ADGRV1: variants seen among roughly 807,000 people sequenced by gnomAD.
The protein encoded by ADGRV1 is G-protein coupled receptor 98.
Under a neutral mutation model 596.2 loss-of-function variants are expected in ADGRV1, and 359 were observed. That is an observed-to-expected ratio of 0.60 (90% CI 0.55 to 0.66). The LOEUF (loss-of-function observed/expected upper bound fraction) is 0.66, where lower values mean the gene tolerates loss of function less well. ADGRV1 is among the 30% of genes least tolerant of loss of function. The pLI is 0.00. For synonymous variants in ADGRV1, 2,681 were observed against 2,679.2 expected (o/e 1.00, Z -0.02); for missense variants, 7,274 against 7,575.6 (o/e 0.96, Z 1.48).
chr5:91,129,649 G>A (rs1453616174), intron 87 of ADGRV1, among the ~76,000 whole-genome samples: 4 of 152,088 alleles, frequency 2.6e-5, no homozygotes, highest in Non-Finnish European at 4.4e-5. Context: ...AAATTCAAAG[G>A]TTGAAGCTTC....
chr5:90,897,262 TG>T (rs1771420627), intron 83 of ADGRV1, among the ~76,000 whole-genome samples: 1 of 152,182 alleles, frequency 6.6e-6, no homozygotes, highest in Admixed American at 6.5e-5. Flanking sequence ...AAAAATAAAC[TG>T]TTGACAGAAA....
intron 70 of ADGRV1, 48 bp downstream of exon 70, chr5:90,791,394 C>A: frequency 7.5e-7 from 1 of 1,337,208 alleles, no homozygotes; most frequent in Non-Finnish European, 1.0e-6. Flanking sequence ...AAAACCCTTT[C>A]AGGAGTGCCC....
At chr5:90,566,777 A>T (rs1039608290) in intron 1 of ADGRV1, among the ~76,000 whole-genome samples, 1 of 152,072 alleles carries the variant, frequency 6.6e-6, no homozygotes, top group East Asian at 1.9e-4. Context: ...GATATAGTTT[A>T]ATTTATCTTT....
At chr5:90,978,080 A>G (rs1779766989) in intron 84 of ADGRV1, among the ~76,000 whole-genome samples, 1 of 152,170 alleles carries the variant, frequency 6.6e-6, no homozygotes, top group South Asian at 2.1e-4. Context: ...GGGGATCATG[A>G]GGTCAGGAGA....
chr5:91,035,861 T>TATATATATAATATATATATATATATATA, intron 85 of ADGRV1, among the ~76,000 whole-genome samples: 1 of 96,400 alleles, frequency 1.0e-5, no homozygotes, highest in African/African-American at 3.8e-5. Context: ...TATATATATA[T>TATATATATAATATATATATATATATATA]TATATATATA....
intron 87 of ADGRV1, among the ~76,000 whole-genome samples, chr5:91,119,098 A>G: frequency 6.6e-6 from 1 of 152,144 alleles, no homozygotes; most frequent in East Asian, 1.9e-4. Context: ...CAAGGACTCA[A>G]CTCTGCTTTG....
At chr5:91,161,273 A>G (rs971415013) in intron 89 of ADGRV1, among the ~76,000 whole-genome samples, 1 of 152,156 alleles carries the variant, frequency 6.6e-6, no homozygotes, top group African/African-American at 2.4e-5. Context: ...TGTTCCCAGC[A>G]GAGAAGCATG....
intron 1 of ADGRV1, among the ~76,000 whole-genome samples, chr5:90,593,440 A>G (rs1038043252): frequency 7.0e-6 from 1 of 142,992 alleles, no homozygotes; most frequent in African/African-American, 2.5e-5. Flanking sequence ...ATCACACATC[A>G]GGGCCTGCCG....
At chr5:90,738,627 T>C (rs1753559386) in intron 50 of ADGRV1, among the ~76,000 whole-genome samples, 1 of 152,190 alleles carries the variant, frequency 6.6e-6, no homozygotes, top group South Asian at 2.1e-4. Context: ...TTTGAGTTTA[T>C]TATTCTACTC....
At chr5:90,660,779 A>C (rs944563106) in intron 21 of ADGRV1, among the ~76,000 whole-genome samples, 4 of 152,214 alleles carry the variant, frequency 2.6e-5, no homozygotes, top group African/African-American at 9.7e-5. Context: ...TACCTTTTTC[A>C]TAGATTAATA....
At position 90,872,423 on chromosome 5, in the gene ADGRV1, TTGTGTGTGTGTGTGTGTGTG is replaced by T. The variant is rs55743704; in HGVS notation, c.17856+8590_17856+8609del. On this transcript the variant is annotated intron_variant, in intron 83 of 89. Coordinates refer to ENST00000405460, the MANE Select transcript of ADGRV1 (RefSeq NM_032119.4). ...AGAAAATTATACATATGGTATGAGC[TTGTGTGTGTGTGTGTGTGTG>T]TGTGTGTGTGTGTGTGTGTGTGTAC... is the stretch of plus-strand genomic sequence containing the variant. Among the ~76,000 whole-genome samples, 22 of 147,440 alleles carry T rather than the reference TTGTGTGTGTGTGTGTGTGTG, an allele frequency of 1.5e-4. No homozygotes were observed. In the South Asian group the frequency reaches 1.8e-3, roughly 12 times the overall value.
At chr5:90,595,458 C>G (rs1431829881) in intron 1 of ADGRV1, among the ~76,000 whole-genome samples, 6 of 62,916 alleles carry the variant, frequency 9.5e-5, no homozygotes, top group Admixed American at 2.3e-4. Context: ...ACCTCCTTCC[C>G]GGACGGGGCG....
intron 22 of ADGRV1, 199 bp downstream of exon 22, chr5:90,672,921 T>G (rs1271554479): frequency 3.9e-6 from 2 of 508,076 alleles, no homozygotes; most frequent in East Asian, 6.1e-5. Flanking sequence ...CTTCATCACT[T>G]TATTTTGTAC....
intron 83 of ADGRV1, among the ~76,000 whole-genome samples, chr5:90,926,863 C>G (rs975522252): frequency 1.3e-5 from 2 of 151,962 alleles, no homozygotes; most frequent in Admixed American, 6.5e-5. Context: ...CAAAGAACAT[C>G]TTTATTTCTT....
At chr5:91,061,086 T>G (rs553593445) in intron 85 of ADGRV1, among the ~76,000 whole-genome samples, 7 of 152,282 alleles carry the variant, frequency 4.6e-5, no homozygotes, top group South Asian at 2.1e-4. Context: ...GTAACCAGCC[T>G]TTTCTTTCCA....
chr5:90,767,649 A>G (rs1757284203), intron 59 of ADGRV1, among the ~76,000 whole-genome samples: 1 of 151,734 alleles, frequency 6.6e-6, no homozygotes, highest in Admixed American at 6.6e-5. Flanking sequence ...ATTCCACCAA[A>G]TATGTTTACA....
At chr5:90,887,572 T>G (rs374362271) in intron 83 of ADGRV1, among the ~76,000 whole-genome samples, 19 of 152,334 alleles carry the variant, frequency 1.2e-4, no homozygotes, top group African/African-American at 4.3e-4. Context: ...AAGCACTGAA[T>G]GCATATTTGT....
intron 83 of ADGRV1, among the ~76,000 whole-genome samples, chr5:90,868,021 T>C (rs970591174): frequency 6.6e-6 from 1 of 152,148 alleles, no homozygotes; most frequent in African/African-American, 2.4e-5. Flanking sequence ...AGTGGAGATA[T>C]AAATGGATCA....
Position 90,690,573 on chromosome 5 carries a change from C to A in ADGRV1, c.6707-224C>A, listed in dbSNP as rs7714597. ...ACTCATGTCTGGTATAGACTTGAGCCCTATGGGCTTTGTGGTTTCTACTTC... is the reference window on the plus strand; with the variant it reads ...ACTCATGTCTGGTATAGACTTGAGCACTATGGGCTTTGTGGTTTCTACTTC... On this transcript the variant is annotated intron_variant, in intron 30 of 89. Transcript: ENST00000405460. 0.036 allele frequency among the ~76,000 whole-genome samples: 5,506 copies of A among 152,164 alleles called. 205 individuals are homozygous for A. Among genetic ancestry groups the A allele is most frequent in the African/African-American group, 0.097 (4,035 of 41,494 alleles).
Sources: gnomAD v4.1 joint callset for allele counts (sites outside exome capture counted in the v4.1 genomes callset) on GRCh38, gnomAD v4.1.1 for gene constraint, MANE v1.5 for transcripts, NCBI Gene and HGNC (gene_info 2026-07-23, HGNC 2026-07-21) for gene names.